The following ADCY2 variants were observed in gnomAD, a reference collection of about 807,000 sequenced individuals.
ADCY2 encodes the protein adenylate cyclase type 2.
In ADCY2, 31 loss-of-function variants were observed where a neutral mutation model predicts 125.2. The observed-to-expected ratio is 0.25, with a 90% CI of 0.19 to 0.33. ADCY2 has a LOEUF of 0.33. Ranked by LOEUF, ADCY2 falls within the 10% of genes least tolerant of loss-of-function variation. The probability of loss-of-function intolerance (pLI) is 1.00; values close to 1 mark genes in which losing one functional copy is unlikely to be tolerated. For missense variants in ADCY2, 904 were observed against 1,418.2 expected (o/e 0.64, Z 5.82); for synonymous variants, 512 against 548.4 (o/e 0.93, Z 0.93).
At chr5:7,689,047 A>G (rs1740621807) in intron 4 of ADCY2, among the ~76,000 whole-genome samples, 1 of 152,226 alleles carries the variant, frequency 6.6e-6, no homozygotes, top group African/African-American at 2.4e-5. Flanking sequence ...CAATAGAAGC[A>G]CATTAACTTA....
chr5:7,711,884 C>G (rs1159430012), intron 10 of ADCY2, among the ~76,000 whole-genome samples: 1 of 152,154 alleles, frequency 6.6e-6, no homozygotes, highest in Non-Finnish European at 1.5e-5. Context: ...AAGCCCAAAC[C>G]ACTTTGACTT....
chr5:7,785,597 G>A (rs1356699995), intron 19 of ADCY2, among the ~76,000 whole-genome samples: 6 of 150,560 alleles, frequency 4.0e-5, no homozygotes, highest in Non-Finnish European at 8.8e-5. Context: ...CTTTTCTCAC[G>A]ACTGGCCGTC....
chr5:7,552,580 C>T (rs1442979180), intron 3 of ADCY2, among the ~76,000 whole-genome samples: 3 of 152,266 alleles, frequency 2.0e-5, no homozygotes, highest in South Asian at 2.1e-4. Context: ...TTATTGAACA[C>T]GATACTTGTT....
chr5:7,807,814 C>T (rs933637151), intron 22 of ADCY2, among the ~76,000 whole-genome samples: 4 of 152,092 alleles, frequency 2.6e-5, no homozygotes, highest in African/African-American at 9.7e-5. Context: ...CCTGACCCAT[C>T]CCCTACCTCT....
chr5:7,786,214 C>G (rs1317833811), intron 19 of ADCY2, among the ~76,000 whole-genome samples: 1 of 152,172 alleles, frequency 6.6e-6, no homozygotes. Flanking sequence ...GGAGGCTGAC[C>G]TGCCATCCAA....
At chr5:7,631,831 T>A (rs1220253855) in intron 4 of ADCY2, among the ~76,000 whole-genome samples, 1 of 152,172 alleles carries the variant, frequency 6.6e-6, no homozygotes, top group East Asian at 1.9e-4. Context: ...TCTGCAGCTT[T>A]GTCTGCTTGG....
intron 3 of ADCY2, among the ~76,000 whole-genome samples, chr5:7,555,399 C>T (rs958426812): frequency 6.6e-5 from 10 of 152,116 alleles, no homozygotes; most frequent in South Asian, 2.1e-4. Flanking sequence ...TTTGTGTTTT[C>T]GGGTAGGAAT....
At position 7,709,661 on chromosome 5, in the gene ADCY2, T is replaced by A. The variant is rs1741377346; in HGVS notation, c.1578+274T>A. On this transcript the variant is annotated intron_variant, in intron 10 of 24. Coordinates refer to ENST00000338316, the MANE Select transcript of ADCY2 (RefSeq NM_020546.3). The surrounding 1 kb of genome is among the most constrained non-coding windows in gnomAD (Gnocchi z 4.4). ...ACTGATAGTAGCAATTAAATACAAC[T>A]ATTTATTAATTGAGGGGTTTTTTAA... Among the ~76,000 whole-genome samples, 1 of 152,206 alleles carries A rather than the reference T, an allele frequency of 6.6e-6. No individual in the cohort carries two copies. The highest frequency in any genetic ancestry group is 1.5e-5 in the Non-Finnish European group (1 of 68,028).
intron 2 of ADCY2, among the ~76,000 whole-genome samples, chr5:7,489,630 C>A (rs1224026547): frequency 1.3e-5 from 2 of 152,184 alleles, no homozygotes; most frequent in Non-Finnish European, 2.9e-5. Flanking sequence ...GATTGTGAGG[C>A]CTCCCCAGCC....
intron 2 of ADCY2, among the ~76,000 whole-genome samples, chr5:7,474,777 T>C (rs954808784): frequency 2.0e-5 from 3 of 152,218 alleles, no homozygotes; most frequent in African/African-American, 7.2e-5. Flanking sequence ...GTACAAGAAT[T>C]CACATATCAA....
At chr5:7,675,668 AAGG>A (rs1311706659) in intron 4 of ADCY2, among the ~76,000 whole-genome samples, 10 of 152,212 alleles carry the variant, frequency 6.6e-5, no homozygotes, top group Non-Finnish European at 7.3e-5. Context: ...GCAGATTTTA[AAGG>A]AGAAGTAGTA....
chr5:7,710,753 A>G (rs905201165), intron 10 of ADCY2, among the ~76,000 whole-genome samples: 3 of 152,196 alleles, frequency 2.0e-5, no homozygotes, highest in Non-Finnish European at 4.4e-5. Flanking sequence ...GGGTCATGAT[A>G]TAATTTAGGC....
At chr5:7,562,113 T>G (rs145086137) in intron 3 of ADCY2, among the ~76,000 whole-genome samples, 258 of 152,234 alleles carry the variant, frequency 1.7e-3, no homozygotes, top group African/African-American at 5.9e-3. Flanking sequence ...TAACTAATTA[T>G]TGTTGATATA....
intron 2 of ADCY2, among the ~76,000 whole-genome samples, chr5:7,448,839 G>A (rs1741373825): frequency 6.6e-6 from 1 of 152,072 alleles, no homozygotes; most frequent in South Asian, 2.1e-4. Flanking sequence ...AGTATTCCAT[G>A]GTGTATATGT....
chr5:7,432,267 G>A (rs1032789427), intron 2 of ADCY2, among the ~76,000 whole-genome samples: 1 of 151,914 alleles, frequency 6.6e-6, no homozygotes, highest in African/African-American at 2.4e-5. Flanking sequence ...CGATTTGTTT[G>A]TGGGACTTCT....
At chr5:7,452,435 A>G (rs1741509275) in intron 2 of ADCY2, among the ~76,000 whole-genome samples, 1 of 152,292 alleles carries the variant, frequency 6.6e-6, no homozygotes, top group Middle Eastern at 3.4e-3. Context: ...GCATTATTGC[A>G]TTCTTTTTTA....
At chr5:7,780,527 C>G (rs1560986125) in intron 18 of ADCY2, among the ~76,000 whole-genome samples, 1 of 152,154 alleles carries the variant, frequency 6.6e-6, no homozygotes, top group Non-Finnish European at 1.5e-5. Flanking sequence ...TCATTGTCTC[C>G]TTGTTAGCCT....
rs868134962 is a variant in ADCY2, at chr5:7,396,846, C to T, written c.210+340C>T. 1.6e-4 allele frequency among the ~76,000 whole-genome samples: 25 copies of T among 152,184 alleles called. No homozygotes were observed. The highest frequency in any genetic ancestry group is 6.0e-4 in the African/African-American group (25 of 41,460). On this transcript the variant is annotated intron_variant, in intron 1 of 24. Coordinates refer to ENST00000338316, the MANE Select transcript of ADCY2 (RefSeq NM_020546.3). This position sits in a 1 kb window ranked among gnomAD's most constrained non-coding sequence, Gnocchi z 5.7. ...TTCCGCCGGGCACCGCTGCCCGCAG[C>T]GCTGGAATAGGTCTTCCCCGACTCA...
At chr5:7,773,250 A>G (rs991606028) in intron 18 of ADCY2, 149 bp downstream of exon 18, 2 of 809,006 alleles carry the variant, frequency 2.5e-6, no homozygotes, top group African/African-American at 3.5e-5. Context: ...CCTCAGAAAG[A>G]CAATATGTGT....
Sources: allele counts gnomAD v4.1 joint callset (sites outside exome capture counted in the v4.1 genomes callset), GRCh38; gene constraint gnomAD v4.1.1; non-coding constraint Gnocchi (gnomAD v3.1); transcripts MANE v1.5; gene names NCBI Gene and HGNC (gene_info 2026-07-23, HGNC 2026-07-21).